Variants in CRTAC1 observed in about 807,000 individuals in gnomAD.
The protein encoded by CRTAC1 is cartilage acidic protein 1.
A neutral mutation model predicts 67.8 loss-of-function variants in CRTAC1; 37 were observed. The ratio of observed to expected loss-of-function variants is 0.55; its 90% confidence interval spans 0.42 to 0.72. The LOEUF is 0.72. Among genes scored for constraint, CRTAC1 ranks in the 30% least tolerant of loss-of-function variants. The pLI is 0.00. For missense variants in CRTAC1, 780 were observed against 931.6 expected, an observed-to-expected ratio of 0.84 and a Z score of 2.12; for synonymous variants, 348 against 371.0, an observed-to-expected ratio of 0.94 and a Z score of 0.71.
chr10:97,932,241 T>C (rs1434912122), intron 3 of CRTAC1, among the ~76,000 whole-genome samples: 1 of 152,222 alleles, frequency 6.6e-6, no homozygotes, highest in Non-Finnish European at 1.5e-5. Context: ...TGAGAGGCTC[T>C]GGCTTTCTTC....
chr10:97,865,735 G>C (rs749454128), intron 14 of CRTAC1, 21 bp from the exon 15 acceptor site: 3 of 1,572,380 alleles, frequency 1.9e-6, no homozygotes, highest in Non-Finnish European at 1.7e-6. Context: ...GTGTATGGCC[G>C]GAGTGAGGGC....
intron 5 of CRTAC1, among the ~76,000 whole-genome samples, chr10:97,913,896 C>T (rs887063193): frequency 6.6e-6 from 1 of 152,250 alleles, no homozygotes; most frequent in African/African-American, 2.4e-5. Context: ...GGGCTTTAGG[C>T]ATCTCCGTCT....
intron 5 of CRTAC1, among the ~76,000 whole-genome samples, chr10:97,916,940 AG>A (rs1227763656): frequency 4.6e-5 from 7 of 150,632 alleles, no homozygotes; most frequent in Non-Finnish European, 1.0e-4. Flanking sequence ...CAGAAAGATG[AG>A]GGGAGAGCGT....
At position 97,917,728 on chromosome 10, in the gene CRTAC1, C is replaced by T. The variant is rs1299261548; in HGVS notation, c.559-72G>A. On this transcript the variant is annotated intron_variant, in intron 4 of 14. Coordinates refer to ENST00000370597, the MANE Select transcript of CRTAC1 (RefSeq NM_018058.7). ...TCCCAGAAACCGCCCCCTCCCCACC[C>T]CAGGTAGGACCATAGCTCTTTCACA... is the stretch of plus-strand genomic sequence containing the variant. 3 of 1,237,062 alleles carry T rather than the reference C, an allele frequency of 2.4e-6. No homozygotes were observed. In the African/African-American group the frequency reaches 4.6e-5, roughly 19 times the overall value. 76.6% of individuals were successfully genotyped at this position (1,237,062 alleles called of 1,614,324 possible).
chr10:97,885,832 C>T (rs550625710), intron 11 of CRTAC1, among the ~76,000 whole-genome samples: 1 of 152,376 alleles, frequency 6.6e-6, no homozygotes, highest in East Asian at 1.9e-4. Flanking sequence ...CTCCCCCAAA[C>T]ACCATTCCCA....
intron 2 of CRTAC1, among the ~76,000 whole-genome samples, chr10:97,946,987 C>A (rs953412555): frequency 6.6e-6 from 1 of 152,214 alleles, no homozygotes; most frequent in African/African-American, 2.4e-5. Flanking sequence ...TGCTTGGTCA[C>A]AAAACACTTT....
chr10:97,871,240 T>C (rs1018637132), intron 14 of CRTAC1: 4 of 152,192 alleles, frequency 2.6e-5, no homozygotes, highest in African/African-American at 9.6e-5. Flanking sequence ...GCATGCAGGA[T>C]CCTGGAGCTG....
rs116094102 is a variant in CRTAC1 at position 98,009,441 on chromosome 10, A to C, written c.224+1697T>G. ...GTAGAAGAAATGAATAGACAAAATA[A>C]AAACTGTACTTTACAAACAATCTTT... On this transcript the variant is annotated intron_variant, in intron 2 of 14. Transcript: ENST00000370597. Among the ~76,000 whole-genome samples the C allele has an allele frequency of 4.3e-3, 654 of 152,302 alleles. 2 individuals are homozygous for C. Among genetic ancestry groups the C allele is most frequent in the African/African-American group, 0.015 (619 of 41,554 alleles).
intron 2 of CRTAC1, among the ~76,000 whole-genome samples, chr10:97,970,388 C>T (rs938567348): frequency 6.6e-6 from 1 of 152,190 alleles, no homozygotes; most frequent in Non-Finnish European, 1.5e-5. Flanking sequence ...GCTCAAAATC[C>T]TTCTCCTAAC....
chr10:97,890,332 C>A (rs2050351217), intron 11 of CRTAC1, among the ~76,000 whole-genome samples: 1 of 152,044 alleles, frequency 6.6e-6, no homozygotes. Context: ...TGGTCTTGAA[C>A]TCCTGGCCTC....
At chr10:97,913,207 A>T (rs915175124) in intron 5 of CRTAC1, among the ~76,000 whole-genome samples, 1 of 152,178 alleles carries the variant, frequency 6.6e-6, no homozygotes, top group African/African-American at 2.4e-5. Flanking sequence ...AGGGTCTCTC[A>T]TCCTAAATTT....
At chr10:98,005,601 T>C (rs1443087120) in intron 2 of CRTAC1, among the ~76,000 whole-genome samples, 5 of 151,286 alleles carry the variant, frequency 3.3e-5, no homozygotes, top group African/African-American at 1.2e-4. Flanking sequence ...TATTTCAATA[T>C]GTATCTAATT....
rs1435563883 is a variant in CRTAC1 at position 98,029,497 on chromosome 10, G to A, written c.24+952C>T. On this transcript the variant is annotated intron_variant, in intron 1 of 14. Coordinates refer to ENST00000370597, the MANE Select transcript of CRTAC1 (RefSeq NM_018058.7). This position sits in a 1 kb window ranked among gnomAD's most constrained non-coding sequence, Gnocchi z 4.7. ...TGCACCCACCAGCAGCAGCAGCGGC[G>A]GCGGCGGCGGCGGCGGCGGCGGCGG... is the stretch of plus-strand genomic sequence containing the variant. Among the ~76,000 whole-genome samples the A allele has an allele frequency of 2.3e-5, 3 of 132,954 alleles. No homozygotes were observed. In the South Asian group the frequency reaches 6.9e-4, roughly 30 times the overall value. 87.2% of individuals were successfully genotyped at this position (132,954 alleles called of 152,430 possible).
chr10:98,011,050 C>T, intron 2 of CRTAC1, 88 bp downstream of exon 2: 3 of 1,140,802 alleles, frequency 2.6e-6, no homozygotes, highest in South Asian at 1.3e-5. Context: ...TATGTTGTTG[C>T]AAGTCACTGG....
chr10:97,947,032 T>C (rs1442678266), intron 2 of CRTAC1, among the ~76,000 whole-genome samples: 2 of 152,236 alleles, frequency 1.3e-5, no homozygotes, highest in African/African-American at 4.8e-5. Context: ...CTTCATGCTA[T>C]AACTACCCAG....
intron 5 of CRTAC1, among the ~76,000 whole-genome samples, chr10:97,914,449 C>T (rs935063941): frequency 4.6e-5 from 7 of 152,212 alleles, no homozygotes; most frequent in South Asian, 2.1e-4. Context: ...CGCCTCCTTT[C>T]GTTCTCACAA....
At chr10:97,979,858 A>G (rs1387010003) in intron 2 of CRTAC1, among the ~76,000 whole-genome samples, 1 of 152,138 alleles carries the variant, frequency 6.6e-6, no homozygotes, top group Non-Finnish European at 1.5e-5. Flanking sequence ...ATTGTCAAAC[A>G]CCATCTCTCC....
rs1339750528 is a variant in CRTAC1, at chr10:97,919,637, G to A, written c.559-1981C>T. 3.3e-5 allele frequency among the ~76,000 whole-genome samples: 5 copies of A among 152,196 alleles called. No homozygotes were observed. The East Asian group carries it at 9.7e-4, about 29-fold the overall frequency. ...ACACCAGTGGCATTGGTGACCTCTGGGATCATGTTTGAAATATAGACCCTC... is the reference window on the plus strand; with the variant it reads ...ACACCAGTGGCATTGGTGACCTCTGAGATCATGTTTGAAATATAGACCCTC... On this transcript the variant is annotated intron_variant, in intron 4 of 14. Transcript: ENST00000370597.
At chr10:97,931,084 A>G (rs2050997037) in intron 3 of CRTAC1, among the ~76,000 whole-genome samples, 1 of 152,260 alleles carries the variant, frequency 6.6e-6, no homozygotes, top group East Asian at 1.9e-4. Flanking sequence ...AAATTCAAAT[A>G]TATAAAAATA....
Sources: gnomAD v4.1 joint callset for allele counts (sites outside exome capture counted in the v4.1 genomes callset) on GRCh38, gnomAD v4.1.1 for gene constraint, Gnocchi (gnomAD v3.1) non-coding constraint, MANE v1.5 for transcripts, NCBI Gene and HGNC (gene_info 2026-07-23, HGNC 2026-07-21) for gene names.